PPP1R12A: variants seen among roughly 807,000 people sequenced by gnomAD.
The protein encoded by PPP1R12A is myosin binding subunit.
In PPP1R12A, 19 loss-of-function variants were observed where a neutral mutation model predicts 139.6. The observed-to-expected ratio is 0.14, with a 90% CI of 0.09 to 0.20. The LOEUF (loss-of-function observed/expected upper bound fraction) is 0.20. PPP1R12A is among the 10% of genes least tolerant of loss of function. PPP1R12A has a pLI of 1.00. For synonymous variants in PPP1R12A, 427 were observed against 420.6 expected (o/e 1.02, Z -0.19); for missense variants, 925 against 1,211.5 (o/e 0.76, Z 3.51).
intron 23 of PPP1R12A, 59 bp downstream of exon 23, chr12:79,781,756 C>A: frequency 2.0e-6 from 2 of 1,008,130 alleles, no homozygotes; most frequent in East Asian, 2.7e-5. Context: ...AAAAAACCTA[C>A]CATTGTTTAC....
At chr12:79,818,591 T>G (rs1875697265) in intron 8 of PPP1R12A, among the ~76,000 whole-genome samples, 1 of 152,170 alleles carries the variant, frequency 6.6e-6, no homozygotes. Flanking sequence ...CTGTAGTCTT[T>G]CTATCCATTT....
chr12:79,857,737 C>T (rs2137266958), intron 2 of PPP1R12A, among the ~76,000 whole-genome samples: 1 of 152,186 alleles, frequency 6.6e-6, no homozygotes, highest in South Asian at 2.1e-4. Flanking sequence ...ATTGACTTCA[C>T]ATGTATCTAT....
At chr12:79,781,888 A>C in intron 22 of PPP1R12A, 26 bp from the exon 23 acceptor site, 1 of 1,490,450 alleles carries the variant, frequency 6.7e-7, no homozygotes, top group Non-Finnish European at 9.1e-7. Context: ...AAATTATAAA[A>C]GAGATAAGTG....
At position 79,836,575 on chromosome 12, in the gene PPP1R12A, A is replaced by C. The variant is rs551725261; in HGVS notation, c.488-4084T>G. 3.3e-5 allele frequency among the ~76,000 whole-genome samples: 5 copies of C among 152,334 alleles called. No individual in the cohort carries two copies. The East Asian group carries it at 9.6e-4, about 29-fold the overall frequency. On this transcript the variant is annotated intron_variant, in intron 3 of 24. Transcript: ENST00000450142. Reference sequence around the variant, plus strand: ...ACATATAAAAACAATCCAAGTGTAAAGTTAACGTGAAGGGCAATTCCTTAT... The same window carrying C: ...ACATATAAAAACAATCCAAGTGTAACGTTAACGTGAAGGGCAATTCCTTAT...
Position 79,799,912 on chromosome 12 carries a change from G to C in PPP1R12A, c.2001-1328C>G, listed in dbSNP as rs571408550. On this transcript the variant is annotated intron_variant, in intron 14 of 24. Coordinates refer to ENST00000450142, the MANE Select transcript of PPP1R12A (RefSeq NM_002480.3). ...TACTCCCAGTTACTCGGGAGGCTGA[G>C]ATGAGAGGATCACCTGAGCCTGGAG... Among the ~76,000 whole-genome samples, 4 of 152,206 alleles carry C rather than the reference G, an allele frequency of 2.6e-5. No homozygotes were observed. The South Asian group carries it at 6.2e-4, about 24-fold the overall frequency.
intron 6 of PPP1R12A, 125 bp downstream of exon 6, chr12:79,821,991 T>G: frequency 4.9e-6 from 3 of 613,242 alleles, no homozygotes; most frequent in Non-Finnish European, 8.4e-6. Context: ...CACTATCATT[T>G]AGTGAAACTT....
intron 3 of PPP1R12A, among the ~76,000 whole-genome samples, chr12:79,835,978 A>G (rs1262652971): frequency 6.6e-6 from 1 of 152,252 alleles, no homozygotes; most frequent in Admixed American, 6.5e-5. Flanking sequence ...GCTTTTAAAA[A>G]GCAGACAATA....
chr12:79,796,452 A>G (rs1872528326), intron 17 of PPP1R12A, among the ~76,000 whole-genome samples: 1 of 152,196 alleles, frequency 6.6e-6, no homozygotes, highest in African/African-American at 2.4e-5. Context: ...ACAGTAGGCA[A>G]GAAATAGCTT....
intron 2 of PPP1R12A, among the ~76,000 whole-genome samples, chr12:79,871,060 G>A (rs1240327244): frequency 6.6e-6 from 1 of 152,082 alleles, no homozygotes; most frequent in Non-Finnish European, 1.5e-5. Flanking sequence ...CAATCATCTT[G>A]TAACCAAGAG....
chr12:79,807,377 G>A, intron 11 of PPP1R12A, 47 bp from the exon 12 acceptor site: 1 of 1,234,176 alleles, frequency 8.1e-7, no homozygotes, highest in Non-Finnish European at 1.2e-6. Flanking sequence ...TTTTAAAATA[G>A]GATTAAGAAA....
chr12:79,803,491 A>G (rs1291466256), intron 14 of PPP1R12A, among the ~76,000 whole-genome samples: 1 of 152,152 alleles, frequency 6.6e-6, no homozygotes, highest in Non-Finnish European at 1.5e-5. Flanking sequence ...TGAGCAACCC[A>G]AAGGGTATAC....
At chr12:79,900,142 C>T (rs990252370) in intron 1 of PPP1R12A, among the ~76,000 whole-genome samples, 5 of 152,174 alleles carry the variant, frequency 3.3e-5, no homozygotes, top group African/African-American at 1.2e-4. Flanking sequence ...AACTTCTTTG[C>T]CTTTCCTGTT....
intron 1 of PPP1R12A, among the ~76,000 whole-genome samples, chr12:79,924,468 G>A (rs1887679107): frequency 1.3e-5 from 2 of 152,108 alleles, no homozygotes; most frequent in Non-Finnish European, 2.9e-5. Context: ...TCACTCTGTC[G>A]TTCAGGCTAG....
chr12:79,817,617 G>A, intron 8 of PPP1R12A, 99 bp from the exon 9 acceptor site: 1 of 1,217,988 alleles, frequency 8.2e-7, no homozygotes, highest in Non-Finnish European at 1.1e-6. Context: ...TTAAGGTTTT[G>A]TTAACTAAAA....
intron 3 of PPP1R12A, among the ~76,000 whole-genome samples, chr12:79,834,574 A>T (rs1329960052): frequency 6.6e-6 from 1 of 152,198 alleles, no homozygotes; most frequent in Non-Finnish European, 1.5e-5. Flanking sequence ...TACAGAAGAA[A>T]AAGAGAGGTC....
intron 1 of PPP1R12A, among the ~76,000 whole-genome samples, chr12:79,904,591 ACAG>A (rs1293060177): frequency 2.6e-5 from 4 of 152,132 alleles, no homozygotes. Flanking sequence ...TCTTATATAA[ACAG>A]CATAAAGTAG....
At chr12:79,836,944 T>C (rs1203615304) in intron 3 of PPP1R12A, among the ~76,000 whole-genome samples, 1 of 152,220 alleles carries the variant, frequency 6.6e-6, no homozygotes, top group Non-Finnish European at 1.5e-5. Flanking sequence ...ATTTGTAAGA[T>C]GGGAGTGATG....
chr12:79,776,685 A>G (rs1474237741), intron 24 of PPP1R12A, among the ~76,000 whole-genome samples: 1 of 152,188 alleles, frequency 6.6e-6, no homozygotes, highest in East Asian at 1.9e-4. Flanking sequence ...AAATAGCCTC[A>G]TATCTTCAAA....
chr12:79,907,585 CT>C lies in PPP1R12A; in HGVS notation c.237+27109del, dbSNP rs1469838873. On this transcript the variant is annotated intron_variant, in intron 1 of 24. Coordinates refer to ENST00000450142, the MANE Select transcript of PPP1R12A (RefSeq NM_002480.3). ...CCTACTTTCACTATCTGGGCTTAAC[CT>C]AACTTTATTACTGTTTATAAAAATA... Among the ~76,000 whole-genome samples the C allele has an allele frequency of 2.0e-5, 3 of 152,228 alleles. No homozygotes were observed. In the East Asian group the frequency reaches 5.8e-4, roughly 29 times the overall value.
Sources: allele counts gnomAD v4.1 joint callset (sites outside exome capture counted in the v4.1 genomes callset), GRCh38; gene constraint gnomAD v4.1.1; transcripts MANE v1.5; gene names NCBI Gene and HGNC (gene_info 2026-07-23, HGNC 2026-07-21).